Variants in POU6F2 observed in about 807,000 individuals in gnomAD.
The protein encoded by POU6F2 is POU domain, class 6, transcription factor 2.
A neutral mutation model predicts 71.3 loss-of-function variants in POU6F2; 31 were observed. That is an observed-to-expected ratio of 0.43 (90% CI 0.33 to 0.59). The LOEUF (loss-of-function observed/expected upper bound fraction) is 0.59, where lower values mean the gene tolerates loss of function less well. POU6F2 is among the 20% of genes least tolerant of loss of function. The pLI, the probability that POU6F2 is intolerant of heterozygous loss-of-function variation, is 0.04. For synonymous variants in POU6F2, 347 were observed against 355.7 expected, an observed-to-expected ratio of 0.98 and a Z score of 0.27; for missense variants, 783 against 856.8, an observed-to-expected ratio of 0.91 and a Z score of 1.07.
chr7:39,433,079 T>C lies in POU6F2; in HGVS notation c.1116T>C (p.Ile372=), dbSNP rs1391073392. ...GQLVTNAQGQ[I]IGTIPLMPNP... is the part of the protein sequence containing the mutation. Reference sequence around the variant, plus strand: ...TCACCTTTGGCCCTCTCTTGCAGATTATCGGGACCATTCCACTGATGCCTA... The same window carrying C: ...TCACCTTTGGCCCTCTCTTGCAGATCATCGGGACCATTCCACTGATGCCTA... Residue 372 remains isoleucine (I), a splice_region_variant and synonymous_variant, in exon 7 of 10, where the codon ATT becomes ATC. Coordinates refer to ENST00000518318, the MANE Select transcript of POU6F2 (RefSeq NM_001370959.1). 2 of 1,612,600 alleles carry C rather than the reference T, an allele frequency of 1.2e-6. No individual in the cohort carries two copies. The highest frequency in any genetic ancestry group is 1.7e-6 in the Non-Finnish European group (2 of 1,179,128).
chr7:39,189,386 G>GTTTA (rs1290342143), intron 2 of POU6F2, among the ~76,000 whole-genome samples: 1 of 151,970 alleles, frequency 6.6e-6, no homozygotes, highest in Non-Finnish European at 1.5e-5. Flanking sequence ...GTGTTTGTTT[G>GTTTA]TTTGTTTGTT....
At chr7:39,408,815 G>A (rs920638754) in intron 6 of POU6F2, among the ~76,000 whole-genome samples, 1 of 152,146 alleles carries the variant, frequency 6.6e-6, no homozygotes, top group African/African-American at 2.4e-5. Context: ...TAGTGATATG[G>A]TTGGTTTTGT....
chr7:39,348,522 CTAAG>C (rs1010052829), intron 5 of POU6F2, among the ~76,000 whole-genome samples: 9 of 152,170 alleles, frequency 5.9e-5, no homozygotes, highest in African/African-American at 2.2e-4. Flanking sequence ...CCCAAAGAAA[CTAAG>C]TCTCAGAAAG....
intron 9 of POU6F2, among the ~76,000 whole-genome samples, chr7:39,462,314 G>A (rs193231058): frequency 1.3e-5 from 2 of 152,142 alleles, no homozygotes; most frequent in African/African-American, 2.4e-5. Flanking sequence ...CAGTGAGATC[G>A]TTTTAGGAGC....
Position 39,358,395 on chromosome 7 carries a change from T to A in POU6F2, c.972+18380T>A, listed in dbSNP as rs113004863. Among the ~76,000 whole-genome samples, 278 of 152,340 alleles carry A rather than the reference T, an allele frequency of 1.8e-3. 2 individuals are homozygous for A. The highest frequency in any genetic ancestry group is 6.3e-3 in the African/African-American group (264 of 41,576). ...ATGGGTCCATGTGACCTAATTATAC[T>A]ATTGTGTCTTACTTAGATGTATTTA... On this transcript the variant is annotated intron_variant, in intron 5 of 9. Transcript: ENST00000518318.
intron 4 of POU6F2, among the ~76,000 whole-genome samples, chr7:39,333,610 C>T (rs769736094): frequency 3.9e-5 from 6 of 152,216 alleles, no homozygotes; most frequent in Non-Finnish European, 7.4e-5. Context: ...CAGTGGCACG[C>T]GCCTATAGTC....
intron 4 of POU6F2, among the ~76,000 whole-genome samples, chr7:39,294,400 C>T (rs1426390813): frequency 6.7e-6 from 1 of 148,210 alleles, no homozygotes; most frequent in African/African-American, 2.5e-5. Context: ...TTTGCGCCAA[C>T]CTAATACTAC....
At chr7:39,100,804 T>A (rs73363811) in intron 2 of POU6F2, among the ~76,000 whole-genome samples, 2,739 of 152,254 alleles carry the variant, frequency 0.018, 73 homozygotes, top group African/African-American at 0.063. Flanking sequence ...GGTTTTGTCA[T>A]TGGGTAACCA....
chr7:39,444,066 C>T (rs1035237538), intron 7 of POU6F2, among the ~76,000 whole-genome samples: 4 of 152,182 alleles, frequency 2.6e-5, no homozygotes, highest in African/African-American at 9.6e-5. Flanking sequence ...TGAATTTTCA[C>T]ATCTGCCTAC....
chr7:39,073,337 G>A (rs1383472439), intron 1 of POU6F2, among the ~76,000 whole-genome samples: 1 of 150,008 alleles, frequency 6.7e-6, no homozygotes, highest in Admixed American at 6.6e-5. Flanking sequence ...TTTTTAATAG[G>A]AGCTAATACA....
At chr7:39,060,952 TAA>T (rs761531424) in intron 1 of POU6F2, among the ~76,000 whole-genome samples, 2 of 140,260 alleles carry the variant, frequency 1.4e-5, no homozygotes, top group Admixed American at 7.2e-5. Flanking sequence ...TCACTAAGCT[TAA>T]AAAAAAAAAA....
Position 39,030,504 on chromosome 7 carries a change from A to ATATATATATATC in POU6F2, c.105+52457_105+52458insCTATATATATAT, listed in dbSNP as rs1351978197. ...GTATTGAACTTTCAAAAAATACTAT[A>ATATATATATATC]TATATATATATATATATATATATAT... is the stretch of plus-strand genomic sequence containing the variant. On this transcript the variant is annotated intron_variant, in intron 1 of 9. Transcript: ENST00000518318. Among the ~76,000 whole-genome samples the ATATATATATATC allele has an allele frequency of 3.4e-5, 2 of 58,514 alleles. 1 individual carries two copies. Among genetic ancestry groups the ATATATATATATC allele is most frequent in the East Asian group, 1.6e-3 (2 of 1,254 alleles). The allele number at this position is 58,514 out of a possible 152,430, so 38.4% of individuals were successfully genotyped here.
intron 4 of POU6F2, among the ~76,000 whole-genome samples, chr7:39,262,562 A>G (rs1784157059): frequency 6.6e-6 from 1 of 152,232 alleles, no homozygotes; most frequent in African/African-American, 2.4e-5. Context: ...TTCTTTTTAT[A>G]AATGACTAGG....
At chr7:39,175,222 T>C (rs927684887) in intron 2 of POU6F2, among the ~76,000 whole-genome samples, 2 of 152,210 alleles carry the variant, frequency 1.3e-5, no homozygotes, top group African/African-American at 4.8e-5. Flanking sequence ...CTCCACTCCA[T>C]ACTTTAACTC....
intron 4 of POU6F2, among the ~76,000 whole-genome samples, chr7:39,231,527 T>G (rs967415865): frequency 4.6e-5 from 7 of 152,192 alleles, no homozygotes; most frequent in Non-Finnish European, 8.8e-5. Flanking sequence ...ATGGCAGAGA[T>G]ATTTCTGTTC....
chr7:39,419,554 T>C (rs1787802473), intron 6 of POU6F2, among the ~76,000 whole-genome samples: 1 of 152,002 alleles, frequency 6.6e-6, no homozygotes, highest in Admixed American at 6.6e-5. Context: ...GTAGGGTCTG[T>C]TTAATATATT....
rs398004470 is a variant in POU6F2, at chr7:39,246,905, C to CTTTTTTTTTTTTTTTTTTTTTTT, written c.598+39286_598+39308dup. Among the ~76,000 whole-genome samples the CTTTTTTTTTTTTTTTTTTTTTTT allele has an allele frequency of 2.4e-4, 19 of 78,154 alleles. 4 individuals carry two copies. Among genetic ancestry groups the CTTTTTTTTTTTTTTTTTTTTTTT allele is most frequent in the African/African-American group, 1.0e-3 (17 of 17,082 alleles). 51.3% of individuals were successfully genotyped at this position (78,154 alleles called of 152,430 possible). A position where few individuals can be genotyped will look rare whatever the true frequency, so the allele number is the denominator to read the frequency against. On this transcript the variant is annotated intron_variant, in intron 4 of 9. Transcript: ENST00000518318. ...CCAGCTCACCCCAAATCCAGGGTGG[C>CTTTTTTTTTTTTTTTTTTTTTTT]TTTTTTTTTTTTTTTTTTTTTTTGC...
At chr7:39,354,252 T>C (rs1006317734) in intron 5 of POU6F2, among the ~76,000 whole-genome samples, 1 of 152,272 alleles carries the variant, frequency 6.6e-6, no homozygotes, top group African/African-American at 2.4e-5. Context: ...CTGTGCTTGT[T>C]TGGCTTTGTG....
intron 5 of POU6F2, among the ~76,000 whole-genome samples, chr7:39,348,191 A>G (rs1786067247): frequency 1.4e-5 from 2 of 145,922 alleles, no homozygotes; most frequent in African/African-American, 2.5e-5. Context: ...GTAAATTCCC[A>G]AAGTTGTGGT....
Sources: gnomAD v4.1 joint callset for allele counts (sites outside exome capture counted in the v4.1 genomes callset) on GRCh38, gnomAD v4.1.1 for gene constraint, MANE v1.5 for transcripts, NCBI Gene and HGNC (gene_info 2026-07-23, HGNC 2026-07-21) for gene names.